MYLK: variants seen among roughly 807,000 people sequenced by gnomAD.
MYLK encodes the protein myosin light chain kinase, smooth muscle.
MYLK carries 106 observed loss-of-function variants against 203.4 expected under a neutral mutation model. The observed-to-expected ratio is 0.52, with a 90% CI of 0.45 to 0.61. The LOEUF (loss-of-function observed/expected upper bound fraction) is 0.61. Among genes scored for constraint, MYLK ranks in the 20% least tolerant of loss-of-function variants. The pLI is 0.00. For missense variants in MYLK, 2,072 were observed against 2,442.3 expected (o/e 0.85, Z 3.20); for synonymous variants, 867 against 959.5 (o/e 0.90, Z 1.78).
rs2108739777 is a variant in MYLK, at chr3:123,722,161, G to A, written c.1771C>T (p.Gln591Ter). The stretch of plus-strand genomic sequence containing the variant: ...GTGACCCAGGCGCTGCAGGACACCT[G>A]CCCCAAGGCATTCTCAGCTAGGCAG... ...YTCLAENALG[Q>*]VSCSAWVTVH... Residue 591 changes from glutamine to a stop codon, truncating the protein, a stop_gained, in exon 13 of 34, where the codon CAG (glutamine) becomes TAG (stop). Transcript: ENST00000360304. LOFTEE classifies it high-confidence loss of function. 1 of 1,565,202 alleles carries A rather than the reference G, an allele frequency of 6.4e-7. No homozygotes were observed. Among genetic ancestry groups the A allele is most frequent in the South Asian group, 1.2e-5 (1 of 84,862 alleles).
At position 123,709,792 on chromosome 3, in the gene MYLK, C is replaced by A. The variant is rs2108651816; in HGVS notation, c.1906G>T (p.Asp636Tyr). ...ACAGTCATAGTGACCTGGCTTCCAT[C>A]CATGACTTTGAGATCAGAGAGGCCC... Reference protein sequence around the residue: ...LQGLSDLKVMDGSQVTMTVQV... With the variant: ...LQGLSDLKVMYGSQVTMTVQV... Residue 636 changes from aspartate (D) to tyrosine (Y), a missense_variant, in exon 14 of 34, where the codon GAT (aspartate) becomes TAT (tyrosine). Asp to Tyr is a radical substitution (Grantham distance 160). Around this residue, in one of 3 missense-constraint regions of MYLK, gnomAD observed 865 missense variants for 1,016.0 expected, o/e 0.85. Coordinates refer to ENST00000360304, the MANE Select transcript of MYLK (RefSeq NM_053025.4). 6.2e-7 allele frequency: 1 copy of A among 1,614,152 alleles called. No individual in the cohort carries two copies. Among genetic ancestry groups the A allele is most frequent in the East Asian group, 2.2e-5 (1 of 44,884 alleles).
At chr3:123,820,371 T>C (rs2065881169) in intron 3 of MYLK, among the ~76,000 whole-genome samples, 1 of 152,176 alleles carries the variant, frequency 6.6e-6, no homozygotes, top group Non-Finnish European at 1.5e-5. Context: ...GATAAGGTTA[T>C]GGAAATGCCT....
chr3:123,786,454 G>A (rs1055833108), intron 4 of MYLK, among the ~76,000 whole-genome samples: 7 of 139,940 alleles, frequency 5.0e-5, no homozygotes, highest in African/African-American at 1.1e-4. Flanking sequence ...CAAAAACACC[G>A]AAAGACATTC....
At chr3:123,657,547 G>A in intron 23 of MYLK, 119 bp from the exon 24 acceptor site, 2 of 956,278 alleles carry the variant, frequency 2.1e-6, no homozygotes, top group Non-Finnish European at 3.2e-6. Flanking sequence ...AAAGTCCCTG[G>A]TCCTGCGTCT....
chr3:123,658,819 A>G (rs2059471740), intron 23 of MYLK, among the ~76,000 whole-genome samples: 1 of 152,222 alleles, frequency 6.6e-6, no homozygotes, highest in South Asian at 2.1e-4. Context: ...ATACATGTGT[A>G]TATGAGTATA....
At chr3:123,633,838 T>C (rs2058533881) in intron 29 of MYLK, among the ~76,000 whole-genome samples, 1 of 152,116 alleles carries the variant, frequency 6.6e-6, no homozygotes, top group Non-Finnish European at 1.5e-5. Context: ...TCTGTGTGTG[T>C]GTGTGCGTGT....
At chr3:123,618,881 C>A in intron 32 of MYLK, 111 bp from the exon 33 acceptor site, 1 of 1,432,888 alleles carries the variant, frequency 7.0e-7, no homozygotes, top group Non-Finnish European at 9.7e-7. Flanking sequence ...GCAAAGAAGG[C>A]AGCTTTGAGA....
At chr3:123,731,545 C>G (rs1902348) in intron 11 of MYLK, among the ~76,000 whole-genome samples, 149,176 of 152,306 alleles carry the variant, frequency 0.98, 73,134 homozygotes, top group East Asian at 1. Context: ...ACATCACTAA[C>G]TCTTTTTTTC....
intron 4 of MYLK, among the ~76,000 whole-genome samples, chr3:123,783,736 G>A (rs1305480290): frequency 2.0e-5 from 3 of 152,128 alleles, no homozygotes; most frequent in South Asian, 2.1e-4. Context: ...TTTCCCCTCC[G>A]TGCAACAGTA....
At chr3:123,707,456 A>G (rs2061504117) in intron 16 of MYLK, among the ~76,000 whole-genome samples, 1 of 152,180 alleles carries the variant, frequency 6.6e-6, no homozygotes, top group South Asian at 2.1e-4. Context: ...TGCTTTTCCA[A>G]CTTTGATCCA....
intron 33 of MYLK, chr3:123,617,820 G>A (rs2057593234): frequency 6.6e-6 from 1 of 152,202 alleles, no homozygotes; most frequent in Non-Finnish European, 1.5e-5. Context: ...GAAACGCTTT[G>A]TGTCATCAAC....
intron 12 of MYLK, among the ~76,000 whole-genome samples, chr3:123,725,431 T>C (rs2062245189): frequency 6.6e-6 from 1 of 152,214 alleles, no homozygotes; most frequent in Non-Finnish European, 1.5e-5. Flanking sequence ...CGAGTCTCTA[T>C]AGGACTATCA....
In MYLK at chr3:123,884,234, G is replaced by T. The variant is rs1323952242; in HGVS notation, c.-214C>A. The stretch of plus-strand genomic sequence containing the variant: ...CGCGGCGAAGGCGGCCCGGGAGCCG[G>T]GGCACCGGCGCTCGGCGGGGCGCCC... On this transcript the variant is annotated 5_prime_UTR_variant, in exon 1 of 34. Transcript: ENST00000360304. 14 of 150,206 alleles carry T rather than the reference G, an allele frequency of 9.3e-5. No homozygotes were observed. The East Asian group carries it at 2.5e-3, about 27-fold the overall frequency. The allele number at this position is 150,206 out of a possible 1,614,324, so 9.3% of individuals were successfully genotyped here. A position where few individuals can be genotyped will look rare whatever the true frequency, so the allele number is the denominator to read the frequency against.
At chr3:123,747,118 A>C (rs1982508) in intron 5 of MYLK, among the ~76,000 whole-genome samples, 130,526 of 152,196 alleles carry the variant, frequency 0.86, 59,397 homozygotes, top group East Asian at 1. Context: ...CTGCCCCTGA[A>C]AAACGGCAGT....
intron 24 of MYLK, among the ~76,000 whole-genome samples, chr3:123,656,544 C>T (rs2059393597): frequency 6.6e-6 from 1 of 152,138 alleles, no homozygotes; most frequent in African/African-American, 2.4e-5. Context: ...TCTTCCCTGC[C>T]TTTTAGAATC....
rs141968388 is a variant in MYLK at position 123,748,753 on chromosome 3, C to T, written c.373+3578G>A. On this transcript the variant is annotated intron_variant, in intron 5 of 33. Coordinates refer to ENST00000360304, the MANE Select transcript of MYLK (RefSeq NM_053025.4). ...TAAGATTACACAAGCCTGGGCAATACGGTGAAACCCCATCTTTAAAAAAAT... is the reference window on the plus strand; with the variant it reads ...TAAGATTACACAAGCCTGGGCAATATGGTGAAACCCCATCTTTAAAAAAAT... Among the ~76,000 whole-genome samples, 861 of 152,186 alleles carry T rather than the reference C, an allele frequency of 5.7e-3. 10 individuals carry two copies. The highest frequency in any genetic ancestry group is 0.02 in the African/African-American group (819 of 41,510).
At chr3:123,664,049 G>GGGCT in intron 23 of MYLK, 56 bp downstream of exon 23, 2 of 1,611,738 alleles carry the variant, frequency 1.2e-6, no homozygotes, top group Non-Finnish European at 1.7e-6. Context: ...TCTTGCCTGG[G>GGGCT]GGCTCCCTGC....
chr3:123,766,814 G>T (rs1279750519), intron 4 of MYLK, among the ~76,000 whole-genome samples: 5 of 152,212 alleles, frequency 3.3e-5, no homozygotes, highest in Non-Finnish European at 7.3e-5. Context: ...GAATTTTAGG[G>T]CAATGGCCCA....
chr3:123,674,866 A>C (rs1428184627), intron 20 of MYLK, among the ~76,000 whole-genome samples: 2 of 152,362 alleles, frequency 1.3e-5, no homozygotes, highest in Non-Finnish European at 2.9e-5. Context: ...AGGTAGCTCC[A>C]TCACAGCATT....
Sources: allele counts gnomAD v4.1 joint callset (sites outside exome capture counted in the v4.1 genomes callset), GRCh38; gene constraint gnomAD v4.1.1; regional missense constraint gnomAD v4.1.1; transcripts MANE v1.5; gene names NCBI Gene and HGNC (gene_info 2026-07-23, HGNC 2026-07-21).